The following TM9SF3 variants were observed in gnomAD, a reference collection of about 807,000 sequenced individuals.
TM9SF3 encodes the protein SM-11044-binding protein.
In TM9SF3, 14 loss-of-function variants were observed where a neutral mutation model predicts 78.6. The ratio of observed to expected loss-of-function variants is 0.18; its 90% CI spans 0.12 to 0.28. TM9SF3 has a LOEUF of 0.28. Among genes scored for constraint, TM9SF3 ranks in the 10% least tolerant of loss-of-function variants. TM9SF3 has a pLI of 1.00. For synonymous variants in TM9SF3, 231 were observed against 241.7 expected, an observed-to-expected ratio of 0.96 and a Z score of 0.41; for missense variants, 496 against 721.9, an observed-to-expected ratio of 0.69 and a Z score of 3.59.
intron 4 of TM9SF3, chr10:96,560,395 C>G: frequency 1.4e-6 from 1 of 737,806 alleles, no homozygotes; most frequent in Non-Finnish European, 2.5e-6. Flanking sequence ...TGAAGGCAGT[C>G]CAATTAAATA....
rs1464262081 is a variant in TM9SF3 at position 96,518,902 on chromosome 10, G to T, written c.*3361C>A. ...AGATATAAAACATTAATGAATACTT[G>T]TGTTTTAATACATCACTACTCCTAT... On this transcript the variant is annotated 3_prime_UTR_variant, in exon 15 of 15. Transcript: ENST00000371142. 1 of 151,952 alleles carries T rather than the reference G, an allele frequency of 6.6e-6. No homozygotes were observed. The highest frequency in any genetic ancestry group is 1.5e-5 in the Non-Finnish European group (1 of 67,922). 9.4% of individuals were successfully genotyped at this position (151,952 alleles called of 1,614,324 possible).
At chr10:96,571,368 C>G (rs1165935100) in intron 2 of TM9SF3, among the ~76,000 whole-genome samples, 1 of 152,174 alleles carries the variant, frequency 6.6e-6, no homozygotes, top group Admixed American at 6.5e-5. Flanking sequence ...ACCAGTGGCA[C>G]CTTCCTCTAG....
chr10:96,537,215 T>C (rs1003283495), intron 9 of TM9SF3, among the ~76,000 whole-genome samples: 4 of 152,208 alleles, frequency 2.6e-5, no homozygotes, highest in African/African-American at 9.7e-5. Context: ...TGGTCAATGA[T>C]GGACCACGTA....
chr10:96,584,903 T>C (rs1310973086), intron 1 of TM9SF3, among the ~76,000 whole-genome samples: 1 of 152,208 alleles, frequency 6.6e-6, no homozygotes, highest in Non-Finnish European at 1.5e-5. Flanking sequence ...TTCTAAATTT[T>C]TTGTCTAGCA....
At chr10:96,523,174 T>C (rs1847798830) in intron 14 of TM9SF3, among the ~76,000 whole-genome samples, 1 of 151,902 alleles carries the variant, frequency 6.6e-6, no homozygotes, top group Non-Finnish European at 1.5e-5. Flanking sequence ...CTAAGGGCTC[T>C]TTAGGACAAT....
chr10:96,571,777 GATAAA>G (rs1564939482), intron 2 of TM9SF3, among the ~76,000 whole-genome samples: 2 of 152,178 alleles, frequency 1.3e-5, no homozygotes, highest in African/African-American at 4.8e-5. Flanking sequence ...AGGGAAGATC[GATAAA>G]ATAAACAGAA....
intron 5 of TM9SF3, among the ~76,000 whole-genome samples, chr10:96,558,930 T>G (rs952996620): frequency 1.3e-5 from 2 of 152,178 alleles, no homozygotes; most frequent in Non-Finnish European, 2.9e-5. Context: ...TCTCCATCCT[T>G]GAGGAGGAAA....
At chr10:96,560,618 A>G in intron 4 of TM9SF3, 3 of 656,220 alleles carry the variant, frequency 4.6e-6, no homozygotes, top group Non-Finnish European at 2.9e-6. Flanking sequence ...CTGTCCCTGG[A>G]GGTGGTAGCA....
rs1488031085 is a variant in TM9SF3, at chr10:96,551,265, C to T, written c.939G>A (p.Met313Ile). 4.3e-6 allele frequency: 7 copies of T among 1,611,388 alleles called. No individual in the cohort carries two copies. Among genetic ancestry groups the T allele is most frequent in the Non-Finnish European group, 5.1e-6 (6 of 1,179,248 alleles). ...CTTACTCAGTATATAAATCTTCTATCATTGCAACAATAATAACGATGAGAG... is the reference window on the plus strand; with the variant it reads ...CTTACTCAGTATATAAATCTTCTATTATTGCAACAATAATAACGATGAGAG... ...AVSLIVIIVA[M>I]IEDLYTERGS... Residue 313 changes from methionine (M) to isoleucine (I), a missense_variant, in exon 7 of 15, where the codon ATG (methionine) becomes ATA (isoleucine). This residue lies in a region of TM9SF3 where 280 missense variants were observed against 422.6 expected (regional missense o/e 0.66). Transcript: ENST00000371142.
intron 5 of TM9SF3, among the ~76,000 whole-genome samples, chr10:96,555,668 T>C (rs1168680417): frequency 6.6e-6 from 1 of 152,212 alleles, no homozygotes; most frequent in African/African-American, 2.4e-5. Context: ...CCTTACTTCA[T>C]TCAACAATTT....
Position 96,581,789 on chromosome 10 carries a change from G to A in TM9SF3, c.102+4945C>T, listed in dbSNP as rs1848572427. Among the ~76,000 whole-genome samples the A allele has an allele frequency of 2.6e-5, 4 of 152,148 alleles. No individual in the cohort carries two copies. The South Asian group carries it at 8.3e-4, about 32-fold the overall frequency. On this transcript the variant is annotated intron_variant, in intron 1 of 14. Transcript: ENST00000371142. Reference sequence around the variant, plus strand: ...AACAAAACATTTCTGAAATCACTCCGTGATATAATACAAATTATTTATGAG... The same window carrying A: ...AACAAAACATTTCTGAAATCACTCCATGATATAATACAAATTATTTATGAG...
At chr10:96,586,068 T>C (rs765272682) in intron 1 of TM9SF3, among the ~76,000 whole-genome samples, 2 of 152,100 alleles carry the variant, frequency 1.3e-5, no homozygotes, top group Non-Finnish European at 2.9e-5. Context: ...ACTATCGGGA[T>C]GGGGGTCTCA....
Position 96,519,927 on chromosome 10 carries a change from CCA to C in TM9SF3, c.*2334_*2335del, listed in dbSNP as rs1443887399. The C allele has an allele frequency of 1.3e-5, 2 of 151,962 alleles. No homozygotes were observed. Among genetic ancestry groups the C allele is most frequent in the African/African-American group, 2.4e-5 (1 of 41,510 alleles). 9.4% of individuals were successfully genotyped at this position (151,962 alleles called of 1,614,324 possible). A position where few individuals can be genotyped will look rare whatever the true frequency, so the allele number is the denominator to read the frequency against. On this transcript the variant is annotated 3_prime_UTR_variant, in exon 15 of 15. Transcript: ENST00000371142. ...TTGGAAATCAGAAAATTATTTTTCA[CCA>C]CAGATTCCAAAGAACTTCAAATAGA...
chr10:96,538,631 CAT>C (rs1303491502), intron 9 of TM9SF3, among the ~76,000 whole-genome samples: 8 of 152,042 alleles, frequency 5.3e-5, no homozygotes, highest in Admixed American at 5.2e-4. Flanking sequence ...TTACAAAATA[CAT>C]ATAAGACAAA....
At chr10:96,586,140 G>C (rs555776172) in intron 1 of TM9SF3, among the ~76,000 whole-genome samples, 39 of 152,294 alleles carry the variant, frequency 2.6e-4, no homozygotes, top group African/African-American at 8.4e-4. Flanking sequence ...ACGCGTGTAG[G>C]TTGGGTGCAC....
At chr10:96,536,948 G>A (rs574174377) in intron 9 of TM9SF3, among the ~76,000 whole-genome samples, 15 of 152,178 alleles carry the variant, frequency 9.9e-5, no homozygotes, top group Non-Finnish European at 1.6e-4. Flanking sequence ...GGCACAAACC[G>A]CACACCCAGC....
chr10:96,586,503 A>T (rs1318310894), intron 1 of TM9SF3, among the ~76,000 whole-genome samples: 2 of 151,556 alleles, frequency 1.3e-5, no homozygotes, highest in Non-Finnish European at 2.9e-5. Flanking sequence ...TGAGGCCCAG[A>T]CCGGGGGAAG....
chr10:96,585,682 C>G (rs1589468134), intron 1 of TM9SF3, among the ~76,000 whole-genome samples: 1 of 152,306 alleles, frequency 6.6e-6, no homozygotes, highest in South Asian at 2.1e-4. Flanking sequence ...TAGGTAAGGA[C>G]GACTGCTTCA....
chr10:96,582,994 C>T (rs889840856), intron 1 of TM9SF3, among the ~76,000 whole-genome samples: 1 of 150,360 alleles, frequency 6.7e-6, no homozygotes, highest in Admixed American at 6.7e-5. Context: ...ACAGGAGAAT[C>T]GTTTGAACCC....
Sources: gnomAD v4.1 joint callset for allele counts (sites outside exome capture counted in the v4.1 genomes callset) on GRCh38, gnomAD v4.1.1 for gene constraint, gnomAD v4.1.1 regional missense constraint, MANE v1.5 for transcripts, NCBI Gene and HGNC (gene_info 2026-07-23, HGNC 2026-07-21) for gene names.